The following ESR1 variants were observed in gnomAD, a reference collection of about 807,000 sequenced individuals.
ESR1 encodes the protein estrogen receptor.
Under a neutral mutation model 52.7 loss-of-function variants are expected in ESR1, and 12 were observed. That is an observed-to-expected ratio of 0.23 (90% CI 0.15 to 0.37). The LOEUF (loss-of-function observed/expected upper bound fraction) is 0.37. Among genes scored for constraint, ESR1 ranks in the 10% least tolerant of loss-of-function variants. The pLI is 1.00. For missense variants in ESR1, 584 were observed against 779.7 expected, an observed-to-expected ratio of 0.75 and a Z score of 2.99; for synonymous variants, 305 against 316.8, an observed-to-expected ratio of 0.96 and a Z score of 0.39.
At chr6:151,741,285 G>T (rs1168159901) in intron 2 of ESR1, among the ~76,000 whole-genome samples, 3 of 151,662 alleles carry the variant, frequency 2.0e-5, no homozygotes, top group Non-Finnish European at 4.4e-5. Context: ...CACTATAAAG[G>T]CCTCATATTT....
Position 152,061,686 on chromosome 6 carries a change from C to T in ESR1, c.1369+562C>T, listed in dbSNP as rs974277. The stretch of plus-strand genomic sequence containing the variant: ...GCTCTATGAAGTCTGATTCTACTGC[C>T]CCTTCGTATTTATTTGTTTGAGAAA... On this transcript the variant is annotated intron_variant, in intron 6 of 7. Coordinates refer to ENST00000206249, the MANE Select transcript of ESR1 (RefSeq NM_000125.4). This position sits in a 1 kb window ranked among gnomAD's most constrained non-coding sequence, Gnocchi z 4.3. Among the ~76,000 whole-genome samples, 33,342 of 152,112 alleles carry T rather than the reference C, an allele frequency of 0.22. 5,302 individuals carry two copies. The highest frequency in any genetic ancestry group is 0.44 in the African/African-American group (18,079 of 41,466).
At chr6:152,084,662 A>G (rs2049542745) in intron 6 of ESR1, among the ~76,000 whole-genome samples, 1 of 152,094 alleles carries the variant, frequency 6.6e-6, no homozygotes. Flanking sequence ...TGGCCAAAAC[A>G]AAAAGAACAC....
chr6:151,951,279 G>A (rs571436475), intron 4 of ESR1, among the ~76,000 whole-genome samples: 8 of 152,050 alleles, frequency 5.3e-5, no homozygotes, highest in African/African-American at 1.2e-4. Flanking sequence ...CAGTTGTTTC[G>A]GTTTCATTCG....
chr6:151,720,874 ATTTTCTTTTGAATTTCATGTTAC>A (rs1293798440), intron 2 of ESR1, among the ~76,000 whole-genome samples: 1 of 152,078 alleles, frequency 6.6e-6, no homozygotes, highest in Admixed American at 6.6e-5. Context: ...TGCATTGTTT[ATTTTCTTTTGAATTTCATGTTAC>A]TTTATAAAGG....
chr6:152,030,694 C>T (rs1359952503), intron 5 of ESR1, among the ~76,000 whole-genome samples: 1 of 152,142 alleles, frequency 6.6e-6, no homozygotes, highest in African/African-American at 2.4e-5. Flanking sequence ...TAATGGGAGA[C>T]TTTAACATCC....
intron 4 of ESR1, among the ~76,000 whole-genome samples, chr6:151,961,131 G>A (rs542188941): frequency 6.6e-6 from 1 of 152,208 alleles, no homozygotes; most frequent in East Asian, 1.9e-4. Context: ...GGCTGGACTT[G>A]ATATGATGTT....
chr6:152,014,395 G>A (rs2043010318), intron 5 of ESR1, among the ~76,000 whole-genome samples: 1 of 152,056 alleles, frequency 6.6e-6, no homozygotes, highest in African/African-American at 2.4e-5. Flanking sequence ...TTGTGTCAGG[G>A]GGTGGGGGAG....
Position 151,770,145 on chromosome 6 carries a change from C to T in ESR1, c.-70-37698C>T, listed in dbSNP as rs539670746. The stretch of plus-strand genomic sequence containing the variant: ...GTGAGTTAAGAAGGAAATTCTTTGC[C>T]TCAGCAACCAACTCAGATGCTTTGT... On this transcript the variant is annotated intron_variant, in intron 2 of 2. Transcript: ENST00000404742. Among the ~76,000 whole-genome samples the T allele has an allele frequency of 4.3e-3, 653 of 152,192 alleles. 4 individuals carry two copies. The highest frequency in any genetic ancestry group is 7.2e-3 in the Non-Finnish European group (488 of 68,014).
At chr6:152,106,173 CTCCAATGCAGCTCCAT>C (rs1232418085), downstream of ESR1, among the ~76,000 whole-genome samples, 1 of 152,184 alleles carries the variant, frequency 6.6e-6, no homozygotes, top group African/African-American at 2.4e-5. Flanking sequence ...AAAATATTTG[CTCCAATGCAGCTCCAT>C]TCTCTTATTA....
intron 6 of ESR1, among the ~76,000 whole-genome samples, chr6:152,081,375 A>G (rs564659553): frequency 2.6e-5 from 4 of 152,098 alleles, no homozygotes; most frequent in Non-Finnish European, 5.9e-5. Flanking sequence ...CTGAATGACT[A>G]CTGGGTAAAT....
At chr6:152,093,284 A>C (rs373262054) in intron 6 of ESR1, among the ~76,000 whole-genome samples, 5 of 151,126 alleles carry the variant, frequency 3.3e-5, no homozygotes, top group African/African-American at 1.2e-4. Context: ...CAAAAAAAAA[A>C]CAAAAAAAAA....
At chr6:151,692,231 C>A (rs1384393580) in intron 1 of ESR1, among the ~76,000 whole-genome samples, 2 of 152,210 alleles carry the variant, frequency 1.3e-5, no homozygotes, top group Non-Finnish European at 2.9e-5. Context: ...GAGCTAGCTA[C>A]CATCTACCTT....
At chr6:151,822,390 C>T (rs1353377819) in intron 1 of ESR1, among the ~76,000 whole-genome samples, 1 of 152,100 alleles carries the variant, frequency 6.6e-6, no homozygotes, top group Admixed American at 6.5e-5. Flanking sequence ...ATCCTTGCAA[C>T]AAAATGAGTT....
intron 3 of ESR1, among the ~76,000 whole-genome samples, chr6:151,899,230 T>G (rs1400085000): frequency 6.6e-5 from 8 of 121,702 alleles, no homozygotes; most frequent in Non-Finnish European, 8.6e-5. Context: ...CCTCCCGGAC[T>G]GGGCAGCTGG....
intron 2 of ESR1, among the ~76,000 whole-genome samples, chr6:151,722,679 A>G (rs962432552): frequency 1.3e-5 from 2 of 152,250 alleles, no homozygotes; most frequent in Non-Finnish European, 2.9e-5. Flanking sequence ...GAGCCAGTGC[A>G]TGATAATGCG....
At chr6:151,784,652 T>C (rs1489916907) in intron 2 of ESR1, among the ~76,000 whole-genome samples, 1 of 152,228 alleles carries the variant, frequency 6.6e-6, no homozygotes, top group Non-Finnish European at 1.5e-5. Flanking sequence ...CATTCCTGCA[T>C]TGCAACCAGT....
rs182813244 is a variant in ESR1 at position 151,862,865 on chromosome 6, G to A, written c.644-17790G>A. On this transcript the variant is annotated intron_variant, in intron 2 of 7. Coordinates refer to ENST00000206249, the MANE Select transcript of ESR1 (RefSeq NM_000125.4). ...ATAACCACAGGATGGGATGGTAGCA[G>A]AACGAGAAAAGAAAAGAAGATTGTA... Among the ~76,000 whole-genome samples the A allele has an allele frequency of 1.8e-4, 28 of 152,234 alleles. No individual in the cohort carries two copies. The East Asian group carries it at 4.4e-3, about 24-fold the overall frequency.
At chr6:151,705,042 G>T (rs1200358746) in intron 2 of ESR1, among the ~76,000 whole-genome samples, 1 of 151,860 alleles carries the variant, frequency 6.6e-6, no homozygotes, top group Non-Finnish European at 1.5e-5. Flanking sequence ...CATTGAATGA[G>T]GAACTCAGAC....
At chr6:152,117,216 G>T (rs2051220640) in intron 6 of ESR1, among the ~76,000 whole-genome samples, 1 of 152,188 alleles carries the variant, frequency 6.6e-6, no homozygotes, top group African/African-American at 2.4e-5. Flanking sequence ...CCTCCACTGG[G>T]TTCCTGCCAA....
Sources: allele counts gnomAD v4.1 joint callset (sites outside exome capture counted in the v4.1 genomes callset), GRCh38; gene constraint gnomAD v4.1.1; non-coding constraint Gnocchi (gnomAD v3.1); transcripts MANE v1.5; gene names NCBI Gene and HGNC (gene_info 2026-07-23, HGNC 2026-07-21).